The following DENND4C variants were observed in gnomAD, a reference collection of about 807,000 sequenced individuals.
The protein encoded by DENND4C is DENN domain containing 4C, also known as DENN domain-containing protein 4C.
A neutral mutation model predicts 203.0 loss-of-function variants in DENND4C; 108 were observed. The ratio of observed to expected loss-of-function variants is 0.53; its 90% CI spans 0.46 to 0.62. The LOEUF is 0.62. DENND4C is among the 20% of genes least tolerant of loss of function. The probability of loss-of-function intolerance (pLI) is 0.00; values close to 1 mark genes in which losing one functional copy is unlikely to be tolerated. For missense variants in DENND4C, 2,481 were observed against 2,301.2 expected, an observed-to-expected ratio of 1.08 and a Z score of -1.60; for synonymous variants, 871 against 792.4, an observed-to-expected ratio of 1.10 and a Z score of -1.67.
chr9:19,266,206 G>C (rs1041293862), intron 1 of DENND4C, among the ~76,000 whole-genome samples: 3 of 152,208 alleles, frequency 2.0e-5, no homozygotes, highest in African/African-American at 7.2e-5. Context: ...CTGATGGCCA[G>C]TGATGATGAG....
chr9:19,326,365 T>C (rs540205193), intron 15 of DENND4C, among the ~76,000 whole-genome samples, 171 bp downstream of exon 15: 2 of 152,236 alleles, frequency 1.3e-5, no homozygotes, highest in East Asian at 1.9e-4. Flanking sequence ...AATTTAAGAA[T>C]TGGATGGTAT....
In DENND4C at chr9:19,347,061, C is replaced by T; in HGVS notation, c.4292C>T (p.Ser1431Phe). 1 of 1,613,586 alleles carries T rather than the reference C, an allele frequency of 6.2e-7. No homozygotes were observed. Among genetic ancestry groups the T allele is most frequent in the Non-Finnish European group, 8.5e-7 (1 of 1,179,650 alleles). ...VASKMWVAVA[S>F]AYSYSDDEEE... ...AGTAAGATGTGGGTAGCTGTTGCGTCTGCCTACAGCTACTCAGATGATGAG... is the reference window on the plus strand; with the variant it reads ...AGTAAGATGTGGGTAGCTGTTGCGTTTGCCTACAGCTACTCAGATGATGAG... The change falls in exon 23 of 33, where the codon TCT (serine) becomes TTT (phenylalanine). Residue 1431 changes from serine (S) to phenylalanine (F), a missense_variant. By Grantham distance (155) the Ser-to-Phe change is radical (BLOSUM62 -2). Around this residue, in one of 3 missense-constraint regions of DENND4C, gnomAD observed 2,289 missense variants for 2,113.3 expected, o/e 1.08. Coordinates refer to ENST00000434457, the MANE Select transcript of DENND4C (RefSeq NM_001330640.2).
chr9:19,231,473 A>G (rs969452687), intron 1 of DENND4C, among the ~76,000 whole-genome samples: 3 of 151,788 alleles, frequency 2.0e-5, no homozygotes, highest in African/African-American at 7.3e-5. Context: ...CACAAAACCA[A>G]GGAATGAAGT....
At chr9:19,337,465 A>G (rs140280119) in intron 20 of DENND4C, 326 of 289,400 alleles carry the variant, frequency 1.1e-3, no homozygotes, top group African/African-American at 6.8e-3. Flanking sequence ...TTCTGGGTCT[A>G]ATTCCTGTGC....
chr9:19,294,681 A>ATG (rs1343404081), intron 5 of DENND4C, among the ~76,000 whole-genome samples: 4 of 152,234 alleles, frequency 2.6e-5, no homozygotes, highest in African/African-American at 7.2e-5. Context: ...TGGTATATAT[A>ATG]TATGATGGAA....
chr9:19,283,966 T>A (rs957046220), intron 2 of DENND4C, among the ~76,000 whole-genome samples: 1 of 152,204 alleles, frequency 6.6e-6, no homozygotes. Flanking sequence ...TCAGATTCAT[T>A]GGCTTTCAAC....
intron 1 of DENND4C, among the ~76,000 whole-genome samples, chr9:19,255,402 C>A (rs1265321113): frequency 3.0e-5 from 2 of 65,810 alleles, no homozygotes; most frequent in Non-Finnish European, 6.8e-5. Context: ...GAGATCCTGC[C>A]TCCAAAAAAA....
rs1170888713 is a variant in DENND4C, at chr9:19,372,256, G to A, written c.*83G>A. ...ACATTCAAGTTTTTTTTTCCAAATC[G>A]TAAGAACTGGTGAATACGGAATTGA... On this transcript the variant is annotated 3_prime_UTR_variant, in exon 33 of 33. Transcript: ENST00000434457. 5.3e-6 allele frequency: 8 copies of A among 1,501,752 alleles called. No individual in the cohort carries two copies. Among genetic ancestry groups the A allele is most frequent in the Middle Eastern group, 3.5e-4 (2 of 5,694 alleles). 93.0% of individuals were successfully genotyped at this position (1,501,752 alleles called of 1,614,324 possible).
chr9:19,299,314 A>G (rs763223610), intron 8 of DENND4C, 27 bp downstream of exon 8: 6 of 1,470,336 alleles, frequency 4.1e-6, no homozygotes, highest in South Asian at 1.3e-5. Context: ...AAAATGATAT[A>G]TTTATTCAGT....
intron 1 of DENND4C, among the ~76,000 whole-genome samples, chr9:19,261,813 T>C (rs1219969375): frequency 6.6e-6 from 1 of 152,006 alleles, no homozygotes; most frequent in Non-Finnish European, 1.5e-5. Context: ...CTCTTTCCGT[T>C]TTTTGTGTGT....
At chr9:19,356,786 TGTGA>T (rs1197454113) in intron 26 of DENND4C, among the ~76,000 whole-genome samples, 182 bp from the exon 27 acceptor site, 1 of 118,770 alleles carries the variant, frequency 8.4e-6, no homozygotes, top group Non-Finnish European at 1.8e-5. Flanking sequence ...TGTGTGTGTG[TGTGA>T]GAGAGAGAGA....
chr9:19,230,714 G>T lies in DENND4C; in HGVS notation c.-137G>T, dbSNP rs1390014258. On this transcript the variant is annotated 5_prime_UTR_variant, in exon 1 of 33. Coordinates refer to ENST00000434457, the MANE Select transcript of DENND4C (RefSeq NM_001330640.2). ...GCGCAGACCGGACTGAGGCGGCGGC[G>T]GCCGCTGGAGCTAGTCCCCCGCCCT... 6.6e-6 allele frequency: 1 copy of T among 152,294 alleles called. No individual in the cohort carries two copies. The highest frequency in any genetic ancestry group is 2.4e-5 in the African/African-American group (1 of 41,562). The allele number at this position is 152,294 out of a possible 1,614,324, so 9.4% of individuals were successfully genotyped here.
chr9:19,335,041 T>G lies in DENND4C; in HGVS notation c.2525T>G (p.Val842Gly). Residue 842 changes from valine (V) to glycine (G), a missense_variant, in exon 18 of 33, where the codon GTC becomes GGC. Coordinates refer to ENST00000434457, the MANE Select transcript of DENND4C (RefSeq NM_001330640.2). ...LWGHPVLAVR[V>G]LFEMKTARIK... ...GGTCATCCTGTTTTAGCAGTGAGAG[T>G]CTTATTTGAAATGAAAACTGCTAGG... 1.2e-6 allele frequency: 2 copies of G among 1,612,438 alleles called. No individual in the cohort carries two copies. The highest frequency in any genetic ancestry group is 1.7e-6 in the Non-Finnish European group (2 of 1,179,338).
intron 16 of DENND4C, among the ~76,000 whole-genome samples, chr9:19,329,579 A>G (rs1818621386): frequency 6.6e-6 from 1 of 152,160 alleles, no homozygotes; most frequent in African/African-American, 2.4e-5. Context: ...GTAAATTGCT[A>G]TGTCAGATGG....
intron 1 of DENND4C, among the ~76,000 whole-genome samples, chr9:19,233,831 C>T (rs1453435078): frequency 1.3e-5 from 2 of 152,282 alleles, no homozygotes; most frequent in East Asian, 1.9e-4. Flanking sequence ...GATCCACCTG[C>T]CTACGCCTCT....
chr9:19,252,734 CACACACAT>C (rs1433081453), intron 1 of DENND4C, among the ~76,000 whole-genome samples: 17 of 146,826 alleles, frequency 1.2e-4, no homozygotes, highest in East Asian at 2.0e-4. Flanking sequence ...CACACACACA[CACACACAT>C]ACTTTTTTTT....
At chr9:19,325,865 A>G in intron 13 of DENND4C, 74 bp from the exon 14 acceptor site, 2 of 1,441,916 alleles carry the variant, frequency 1.4e-6, no homozygotes, top group Non-Finnish European at 1.9e-6. Context: ...TTTCTAAATC[A>G]GAATGTAAGA....
chr9:19,280,513 A>C (rs1273956013), intron 2 of DENND4C, among the ~76,000 whole-genome samples: 2 of 152,082 alleles, frequency 1.3e-5, no homozygotes, highest in Non-Finnish European at 2.9e-5. Flanking sequence ...TATTGGTTGC[A>C]GTGGAGTGAC....
In DENND4C at chr9:19,360,518, A is replaced by T. The variant is rs77976949; in HGVS notation, c.5406+29A>T. ...GGGTGCCAACTTTTATACTTACATT[A>T]GTATTCAGTAGGATGAGGCTTAACT... On this transcript the variant is annotated intron_variant, in intron 29 of 32. Transcript: ENST00000434457. 3.9e-3 allele frequency: 6,271 copies of T among 1,613,216 alleles called. 221 individuals are homozygous for T. The African/African-American group carries it at 0.074, about 19-fold the overall frequency.
Sources: gnomAD v4.1 joint callset for allele counts (sites outside exome capture counted in the v4.1 genomes callset) on GRCh38, gnomAD v4.1.1 for gene constraint, gnomAD v4.1.1 regional missense constraint, MANE v1.5 for transcripts, NCBI Gene and HGNC (gene_info 2026-07-23, HGNC 2026-07-21) for gene names.